SNX2: variants seen among roughly 807,000 people sequenced by gnomAD.
SNX2 encodes sorting nexin 2.
In SNX2, 25 loss-of-function variants were observed where a neutral mutation model predicts 69.9. The observed-to-expected ratio is 0.36, with a 90% CI of 0.26 to 0.50. The LOEUF (loss-of-function observed/expected upper bound fraction) is 0.50, where lower values mean the gene tolerates loss of function less well. Ranked by LOEUF, SNX2 falls within the 20% of genes least tolerant of loss-of-function variation. The pLI is 0.97. For missense variants in SNX2, 551 were observed against 613.3 expected (o/e 0.90, Z 1.07); for synonymous variants, 229 against 200.4 (o/e 1.14, Z -1.20).
intron 7 of SNX2, chr5:122,815,646 A>T (rs2161157): frequency 0.2 from 53,825 of 264,616 alleles, 6,592 homozygotes; most frequent in East Asian, 0.48. Flanking sequence ...ACCTCTCCCC[A>T]CTCCCACCCC....
intron 3 of SNX2, among the ~76,000 whole-genome samples, chr5:122,801,217 T>C (rs1432323325): frequency 6.6e-6 from 1 of 152,178 alleles, no homozygotes. Flanking sequence ...AATTTTTTAA[T>C]AATCTGAATC....
chr5:122,805,401 A>G (rs970468817), intron 6 of SNX2, among the ~76,000 whole-genome samples: 1 of 151,992 alleles, frequency 6.6e-6, no homozygotes, highest in Non-Finnish European at 1.5e-5. Flanking sequence ...GTGGGATTAC[A>G]GACTGGAGCC....
chr5:122,829,680 G>C lies in SNX2; in HGVS notation c.*32G>C. The C allele has an allele frequency of 6.3e-7, 1 of 1,590,328 alleles. No homozygotes were observed. The highest frequency in any genetic ancestry group is 8.6e-7 in the Non-Finnish European group (1 of 1,158,694). The stretch of plus-strand genomic sequence containing the variant: ...GATTGTTGCCGTTAAGAAGACCTTG[G>C]ATGTTGTTCCAGTTATGCTGGATTC... On this transcript the variant is annotated 3_prime_UTR_variant, in exon 15 of 15. Coordinates refer to ENST00000379516, the MANE Select transcript of SNX2 (RefSeq NM_003100.4).
Position 122,799,749 on chromosome 5 carries a change from A to C in SNX2, c.284A>C (p.Glu95Ala). 5 of 1,613,646 alleles carry C rather than the reference A, an allele frequency of 3.1e-6. No homozygotes were observed. The highest frequency in any genetic ancestry group is 4.2e-6 in the Non-Finnish European group (5 of 1,179,596). The change falls in exon 3 of 15, where the codon GAA becomes GCA. Residue 95 changes from glutamate to alanine, a missense_variant. Around this residue, in one of 2 missense-constraint regions of SNX2, gnomAD observed 191 missense variants for 162.9 expected, o/e 1.17. Coordinates refer to ENST00000379516, the MANE Select transcript of SNX2 (RefSeq NM_003100.4). ...SPEREPILSS[E>A]PSPAVTPVTP... ...GAAAGGGAACCTATCCTATCCTCGG[A>C]ACCTTCTCCTGCAGTCACACCTGTC... is the stretch of plus-strand genomic sequence containing the variant.
chr5:122,805,130 A>G (rs1753608799), intron 6 of SNX2, among the ~76,000 whole-genome samples: 1 of 151,740 alleles, frequency 6.6e-6, no homozygotes, highest in South Asian at 2.1e-4. Context: ...TGTCTCTACA[A>G]AAATACAAAA....
intron 6 of SNX2, chr5:122,803,959 T>A: frequency 6.2e-6 from 1 of 160,484 alleles, no homozygotes; most frequent in Non-Finnish European, 1.4e-5. Flanking sequence ...GCCAACATGG[T>A]GAAACCCCTG....
In SNX2 at chr5:122,830,866, T is replaced by G. The variant is rs1754270475; in HGVS notation, c.*1218T>G. On this transcript the variant is annotated 3_prime_UTR_variant, in exon 15 of 15. Transcript: ENST00000379516. The stretch of plus-strand genomic sequence containing the variant: ...TCTACTAAAAATACAAAAATTCGCC[T>G]GGTGTGGTGGGGTGTGCTTGTGGTC... Among the ~76,000 whole-genome samples, 3 of 151,942 alleles carry G rather than the reference T, an allele frequency of 2.0e-5. No homozygotes were observed. The South Asian group carries it at 6.2e-4, about 32-fold the overall frequency.
chr5:122,829,351 A>C (rs921624206), intron 14 of SNX2, among the ~76,000 whole-genome samples: 1 of 151,738 alleles, frequency 6.6e-6, no homozygotes, highest in Non-Finnish European at 1.5e-5. Context: ...ATTACAGGCA[A>C]GCGCCACATT....
chr5:122,818,919 G>A lies in SNX2; in HGVS notation c.1108G>A (p.Val370Ile), dbSNP rs375160918. 10 of 1,613,862 alleles carry A rather than the reference G, an allele frequency of 6.2e-6. No homozygotes were observed. Among genetic ancestry groups the A allele is most frequent in the Middle Eastern group, 1.6e-4 (1 of 6,076 alleles). The change falls in exon 11 of 15, where the codon GTT becomes ATT. Residue 370 changes from valine to isoleucine, a missense_variant. By Grantham distance (29) the Val-to-Ile change is conservative (BLOSUM62 3). Around this residue, in one of 2 missense-constraint regions of SNX2, gnomAD observed 360 missense variants for 450.4 expected, o/e 0.80. Transcript: ENST00000379516. Reference protein sequence around the residue: ...LSRALSQLAEVEEKIDQLHQE... With the variant: ...LSRALSQLAEIEEKIDQLHQE... ...TAGAGCTTTGTCTCAGCTTGCAGAG[G>A]TTGAGGAGAAGATAGACCAGTTACA...
chr5:122,822,441 T>A (rs1754045475), intron 11 of SNX2, among the ~76,000 whole-genome samples: 1 of 152,220 alleles, frequency 6.6e-6, no homozygotes, highest in South Asian at 2.1e-4. Context: ...TTTGTTTGGT[T>A]ATTATCTATT....
chr5:122,815,979 T>G lies in SNX2; in HGVS notation c.798+8T>G. 2.0e-6 allele frequency: 3 copies of G among 1,509,442 alleles called. No individual in the cohort carries two copies. The highest frequency in any genetic ancestry group is 2.7e-6 in the Non-Finnish European group (3 of 1,094,964). The allele number at this position is 1,509,442 out of a possible 1,614,324, so 93.5% of individuals were successfully genotyped here. A position where few individuals can be genotyped will look rare whatever the true frequency, so the allele number is the denominator to read the frequency against. On this transcript the variant is annotated splice_region_variant and intron_variant, in intron 8 of 14. Transcript: ENST00000379516. ...TTCTTGGAAAGTTCAGAGGTATTAT[T>G]TCTATATTAAATGTTTGTATATGAA...
intron 5 of SNX2, 83 bp downstream of exon 5, chr5:122,802,207 G>T: frequency 1.7e-6 from 2 of 1,165,284 alleles, no homozygotes; most frequent in South Asian, 2.5e-5. Flanking sequence ...AGGTAGAAGT[G>T]ATCCCTGTCT....
chr5:122,779,302 A>G (rs966902410), intron 1 of SNX2, among the ~76,000 whole-genome samples: 5 of 152,160 alleles, frequency 3.3e-5, no homozygotes, highest in African/African-American at 7.2e-5. Flanking sequence ...CCCTTTAGCT[A>G]TCATCCCACG....
intron 2 of SNX2, among the ~76,000 whole-genome samples, chr5:122,797,917 G>A (rs1268275684): frequency 1.3e-5 from 2 of 152,132 alleles, no homozygotes; most frequent in East Asian, 3.8e-4. Flanking sequence ...ATTTTTGAAT[G>A]AAGCAGCCTG....
At chr5:122,793,501 C>A (rs955951329) in intron 1 of SNX2, among the ~76,000 whole-genome samples, 2 of 152,180 alleles carry the variant, frequency 1.3e-5, no homozygotes, top group Admixed American at 6.5e-5. Flanking sequence ...TGGTAATGGT[C>A]TTTCATGATC....
intron 2 of SNX2, 165 bp downstream of exon 2, chr5:122,795,548 A>G: frequency 1.7e-6 from 1 of 586,040 alleles, no homozygotes; most frequent in East Asian, 2.9e-5. Context: ...TCTATGAAAA[A>G]TGTGGACTGT....
chr5:122,795,371 G>C lies in SNX2; in HGVS notation c.214G>C (p.Asp72His). The C allele has an allele frequency of 6.2e-7, 1 of 1,606,902 alleles. No homozygotes were observed. The highest frequency in any genetic ancestry group is 1.1e-5 in the South Asian group (1 of 90,544). ...AGTTGTATTAGATGATGACAGAGAA[G>C]ATCTTTTTGCAGGTAATTGTCATGT... ...TEVVLDDDRE[D>H]LFAEATEEVS... Residue 72 changes from aspartate to histidine, a missense_variant, in exon 2 of 15, where the codon GAT becomes CAT. This residue lies in a region of SNX2 where 191 missense variants were observed against 162.9 expected (regional missense o/e 1.17). Transcript: ENST00000379516.
At chr5:122,801,691 T>TGTGTGTGTG (rs1753518572) in intron 3 of SNX2, among the ~76,000 whole-genome samples, 178 bp from the exon 4 acceptor site, 4 of 92,976 alleles carry the variant, frequency 4.3e-5, no homozygotes, top group Admixed American at 1.0e-4. Context: ...GTGTGTGTGT[T>TGTGTGTGTG]TTATTTATAA....
At position 122,809,253 on chromosome 5, in the gene SNX2, C is replaced by T. The variant is rs889165530; in HGVS notation, c.722+898C>T. Among the ~76,000 whole-genome samples the T allele has an allele frequency of 7.2e-5, 11 of 152,092 alleles. 1 individual carries two copies. Among genetic ancestry groups the T allele is most frequent in the African/African-American group, 2.4e-4 (10 of 41,402 alleles). On this transcript the variant is annotated intron_variant, in intron 7 of 14. Coordinates refer to ENST00000379516, the MANE Select transcript of SNX2 (RefSeq NM_003100.4). ...ATGCAAACACTACGCCATTTTCTAT[C>T]AGGGATTTGAACATTTGCAGATTTT... is the stretch of plus-strand genomic sequence containing the variant.
Sources: allele counts gnomAD v4.1 joint callset (sites outside exome capture counted in the v4.1 genomes callset), GRCh38; gene constraint gnomAD v4.1.1; regional missense constraint gnomAD v4.1.1; transcripts MANE v1.5; gene names NCBI Gene and HGNC (gene_info 2026-07-23, HGNC 2026-07-21).